The following MCPH1 variants were observed in gnomAD, a reference collection of about 807,000 sequenced individuals.
MCPH1 encodes microcephalin.
MCPH1 carries 104 observed loss-of-function variants against 84.5 expected under a neutral mutation model. The ratio of observed to expected loss-of-function variants is 1.23; its 90% CI spans 1.05 to 1.45. The LOEUF (loss-of-function observed/expected upper bound fraction) is 1.45. Among genes scored for constraint, MCPH1 ranks in the 40% most tolerant of loss-of-function variants. The probability of loss-of-function intolerance (pLI) is 0.00; values close to 1 mark genes in which losing one functional copy is unlikely to be tolerated. For synonymous variants in MCPH1, 514 were observed against 366.8 expected, an observed-to-expected ratio of 1.40 and a Z score of -4.58; for missense variants, 1,498 against 1,005.7, an observed-to-expected ratio of 1.49 and a Z score of -6.62.
chr8:6,449,367 C>T (rs763068878), intron 8 of MCPH1, among the ~76,000 whole-genome samples: 12 of 152,286 alleles, frequency 7.9e-5, no homozygotes, highest in Non-Finnish European at 1.3e-4. Context: ...GGTGTGATGG[C>T]TCACGCCTGT....
chr8:6,408,155 T>G (rs1179400401), intron 1 of MCPH1, among the ~76,000 whole-genome samples: 1 of 152,230 alleles, frequency 6.6e-6, no homozygotes, highest in South Asian at 2.1e-4. Flanking sequence ...TAAACTCTCA[T>G]GTATTGTATG....
intron 13 of MCPH1, among the ~76,000 whole-genome samples, chr8:6,636,655 T>C (rs969488860): frequency 3.9e-5 from 6 of 152,180 alleles, no homozygotes; most frequent in Admixed American, 1.3e-4. Context: ...CACACCAGTC[T>C]ATGCACAGAA....
chr8:6,605,077 C>A (rs1178492704), intron 12 of MCPH1, among the ~76,000 whole-genome samples: 2 of 152,162 alleles, frequency 1.3e-5, no homozygotes, highest in Non-Finnish European at 2.9e-5. Context: ...GTCGCCTGAC[C>A]TCTCCCTGTG....
chr8:6,450,615 G>C (rs146342885), intron 8 of MCPH1, among the ~76,000 whole-genome samples: 18 of 151,604 alleles, frequency 1.2e-4, no homozygotes, highest in African/African-American at 4.4e-4. Context: ...ATAAGAAACT[G>C]TTTCTCACAT....
intron 3 of MCPH1, among the ~76,000 whole-genome samples, chr8:6,431,014 G>A (rs1801757222): frequency 6.6e-6 from 1 of 152,200 alleles, no homozygotes; most frequent in African/African-American, 2.4e-5. Flanking sequence ...CGGAGCATTG[G>A]TTGCACACCT....
At chr8:6,601,832 G>T (rs1000706388) in intron 12 of MCPH1, among the ~76,000 whole-genome samples, 1 of 147,806 alleles carries the variant, frequency 6.8e-6, no homozygotes, top group African/African-American at 2.7e-5. Flanking sequence ...ATCTAAAGGA[G>T]AAGCTTTTCT....
In MCPH1 at chr8:6,438,488, G is replaced by T. The variant is rs527998277; in HGVS notation, c.437-465G>T. ...CGAGCTCATAACTTCATGGTTCCGG[G>T]ACCATGCTGATCCCACTTCATGCAG... On this transcript the variant is annotated intron_variant, in intron 5 of 13. Coordinates refer to ENST00000344683, the MANE Select transcript of MCPH1 (RefSeq NM_024596.5). 1.1e-3 allele frequency among the ~76,000 whole-genome samples: 162 copies of T among 152,182 alleles called. 1 individual carries two copies. Among genetic ancestry groups the T allele is most frequent in the Non-Finnish European group, 1.9e-3 (132 of 68,034 alleles).
intron 12 of MCPH1, among the ~76,000 whole-genome samples, chr8:6,555,462 G>T (rs1271857664): frequency 7.0e-6 from 1 of 142,336 alleles, no homozygotes; most frequent in Non-Finnish European, 1.5e-5. Flanking sequence ...GGGGTGGTTT[G>T]CCCTTTTTTT....
At chr8:6,477,688 A>C in intron 10 of MCPH1, 57 bp downstream of exon 10, 1 of 1,461,606 alleles carries the variant, frequency 6.8e-7, no homozygotes, top group Non-Finnish European at 9.6e-7. Flanking sequence ...TCTCTCTTAT[A>C]CTCTAATTCT....
chr8:6,613,023 C>T (rs1338263220), intron 12 of MCPH1, among the ~76,000 whole-genome samples: 3 of 152,182 alleles, frequency 2.0e-5, no homozygotes, highest in Non-Finnish European at 4.4e-5. Flanking sequence ...CCTGATGGAG[C>T]GTGTCCTTGA....
rs375626304 is a variant in MCPH1, at chr8:6,480,216, C to T, written c.1974-498C>T. On this transcript the variant is annotated intron_variant, in intron 10 of 13. Coordinates refer to ENST00000344683, the MANE Select transcript of MCPH1 (RefSeq NM_024596.5). ...GCGGCTCACTGCAACCTCCACCTCC[C>T]GGATTCAAGCTATTCTGTCTGCCTC... Among the ~76,000 whole-genome samples, 136 of 152,036 alleles carry T rather than the reference C, an allele frequency of 8.9e-4. 1 individual carries two copies. Among genetic ancestry groups the T allele is most frequent in the African/African-American group, 3.2e-3 (134 of 41,486 alleles).
intron 11 of MCPH1, among the ~76,000 whole-genome samples, chr8:6,493,019 T>C (rs1298342727): frequency 1.3e-5 from 2 of 152,224 alleles, no homozygotes; most frequent in African/African-American, 4.8e-5. Flanking sequence ...TTATTGTCTG[T>C]GTTGGTAATA....
intron 7 of MCPH1, among the ~76,000 whole-genome samples, chr8:6,443,396 C>A (rs1182751840): frequency 6.8e-6 from 1 of 147,718 alleles, no homozygotes; most frequent in African/African-American, 2.7e-5. Context: ...TTGAAGACAC[C>A]TGGGGCACAG....
chr8:6,509,205 T>C (rs1586225668), intron 12 of MCPH1: 1 of 1,091,624 alleles, frequency 9.2e-7, no homozygotes. Context: ...GGACAAAATA[T>C]TTTGCACTGG....
intron 5 of MCPH1, among the ~76,000 whole-genome samples, chr8:6,436,952 A>G (rs2920679): frequency 0.015 from 2,246 of 152,156 alleles, 58 homozygotes; most frequent in African/African-American, 0.051. Context: ...CCTGGGCAAC[A>G]GAGTGAGACT....
At chr8:6,441,988 T>G in intron 6 of MCPH1, 79 bp from the exon 7 acceptor site, 1 of 938,624 alleles carries the variant, frequency 1.1e-6, no homozygotes, top group South Asian at 1.3e-5. Context: ...CTATGATTAA[T>G]AGGAGGACTT....
chr8:6,507,245 A>G (rs1813932281), intron 12 of MCPH1, among the ~76,000 whole-genome samples: 1 of 152,240 alleles, frequency 6.6e-6, no homozygotes, highest in African/African-American at 2.4e-5. Flanking sequence ...TGGGTCATCC[A>G]TTTGTTTAAT....
chr8:6,472,963 G>A (rs1807941735), intron 9 of MCPH1, among the ~76,000 whole-genome samples: 1 of 152,148 alleles, frequency 6.6e-6, no homozygotes, highest in African/African-American at 2.4e-5. Context: ...TGATTGTAAA[G>A]AACCTTAGCT....
Position 6,598,249 on chromosome 8 carries a change from G to C in MCPH1, c.2215-23205G>C, listed in dbSNP as rs73509295. Reference sequence around the variant, plus strand: ...CCCACACCAGCCTTGGGGAGCCAGGGTGGGGAAGAGGGTCTGTAGAGCAAG... The same window carrying C: ...CCCACACCAGCCTTGGGGAGCCAGGCTGGGGAAGAGGGTCTGTAGAGCAAG... On this transcript the variant is annotated intron_variant, in intron 12 of 13. Transcript: ENST00000344683. Among the ~76,000 whole-genome samples the C allele has an allele frequency of 9.2e-3, 1,399 of 152,316 alleles. 23 individuals carry two copies. Among genetic ancestry groups the C allele is most frequent in the African/African-American group, 0.032 (1,326 of 41,558 alleles).
Sources: gnomAD v4.1 joint callset for allele counts (sites outside exome capture counted in the v4.1 genomes callset) on GRCh38, gnomAD v4.1.1 for gene constraint, MANE v1.5 for transcripts, NCBI Gene and HGNC (gene_info 2026-07-23, HGNC 2026-07-21) for gene names.